The following NADK variants were observed in gnomAD, a reference collection of about 807,000 sequenced individuals.
The protein encoded by NADK is NAD kinase.
A neutral mutation model predicts 49.8 loss-of-function variants in NADK; 22 were observed. That is an observed-to-expected ratio of 0.44 (90% CI 0.32 to 0.63). NADK has a LOEUF of 0.63. Ranked by LOEUF, NADK falls within the 30% of genes least tolerant of loss-of-function variation. The pLI is 0.06. For missense variants in NADK, 438 were observed against 609.4 expected (o/e 0.72, Z 2.96); for synonymous variants, 268 against 253.7 (o/e 1.06, Z -0.54).
chr1:1,769,745 A>G (rs1645992059), intron 1 of NADK, among the ~76,000 whole-genome samples: 1 of 151,938 alleles, frequency 6.6e-6, no homozygotes, highest in East Asian at 1.9e-4. Flanking sequence ...AAGAAAAAAA[A>G]AAAAAGAAAA....
rs1251106836 is a variant in NADK at position 1,773,717 on chromosome 1, T to TGAGA, written c.-41+4571_-41+4572insTCTC. ...GTGTGTGTGTGTGTGTGTGTGTGTGTGTGTGTGTGTGTGAGAGAGAGAGAG... is the reference window on the plus strand; with the variant it reads ...GTGTGTGTGTGTGTGTGTGTGTGTGTGAGAGTGTGTGTGTGTGAGAGAGAGAGAG... On this transcript the variant is annotated intron_variant, in intron 1 of 11. Transcript: ENST00000341426. Among the ~76,000 whole-genome samples the TGAGA allele has an allele frequency of 7.2e-4, 100 of 138,050 alleles. 1 individual carries two copies. The highest frequency in any genetic ancestry group is 2.3e-3 in the African/African-American group (85 of 37,116). 90.6% of individuals were successfully genotyped at this position (138,050 alleles called of 152,430 possible). A position where few individuals can be genotyped will look rare whatever the true frequency, so the allele number is the denominator to read the frequency against.
At chr1:1,760,117 G>A (rs750532826) in intron 3 of NADK, among the ~76,000 whole-genome samples, 2 of 152,176 alleles carry the variant, frequency 1.3e-5, no homozygotes, top group African/African-American at 4.8e-5. Context: ...GAGGGCAGCC[G>A]GGCAATAGTG....
intron 11 of NADK, 108 bp downstream of exon 11, chr1:1,753,459 T>A: frequency 1.2e-6 from 1 of 854,786 alleles, no homozygotes; most frequent in Non-Finnish European, 1.8e-6. Context: ...GGCCCTGTGG[T>A]GCCCTAGGGG....
intron 3 of NADK, 32 bp from the exon 4 acceptor site, chr1:1,757,342 C>T (rs2100297639): frequency 6.4e-7 from 1 of 1,556,136 alleles, no homozygotes; most frequent in East Asian, 2.3e-5. Flanking sequence ...TTCACACCAG[C>T]TGCGATCTCC....
At chr1:1,765,943 A>C (rs1645872194) in intron 1 of NADK, among the ~76,000 whole-genome samples, 1 of 151,868 alleles carries the variant, frequency 6.6e-6, no homozygotes, top group African/African-American at 2.4e-5. Context: ...ATTAACAAAA[A>C]AAATTGTTTC....
chr1:1,777,667 C>T (rs966535825), intron 1 of NADK, among the ~76,000 whole-genome samples: 3 of 151,600 alleles, frequency 2.0e-5, no homozygotes, highest in Non-Finnish European at 2.9e-5. Context: ...TCCACCAGGC[C>T]TTCGGAGCTG....
intron 1 of NADK, among the ~76,000 whole-genome samples, chr1:1,776,422 G>A (rs1221530672): frequency 1.3e-5 from 2 of 151,890 alleles, no homozygotes; most frequent in Admixed American, 1.3e-4. Flanking sequence ...ACAGCAGGCT[G>A]CCAACTGAAA....
At chr1:1,760,693 G>C (rs756190507) in intron 3 of NADK, among the ~76,000 whole-genome samples, 1 of 150,610 alleles carries the variant, frequency 6.6e-6, no homozygotes, top group African/African-American at 2.5e-5. Flanking sequence ...AAGAGAGCCC[G>C]TTCTGCACAG....
rs775876463 is a variant in NADK, at chr1:1,756,251, G to A, written c.585+7C>T. On this transcript the variant is annotated splice_region_variant and intron_variant, in intron 6 of 11. Coordinates refer to ENST00000341426, the MANE Select transcript of NADK (RefSeq NM_023018.5). ...CTGGTGTGGGTCTGGAAATGTCAGC[G>A]CTTCACCTGGAAAAGCGAGGAAGCG... The A allele has an allele frequency of 8.7e-6, 14 of 1,613,160 alleles. No individual in the cohort carries two copies. Among genetic ancestry groups the A allele is most frequent in the Admixed American group, 6.7e-5 (4 of 60,002 alleles).
Position 1,752,841 on chromosome 1 carries a change from G to T in NADK, c.*63C>A. ...AGGCGGTCACAGACACACGCAGATT[G>T]GTCTGTCCCCAGAGGGCGCTTGGAG... On this transcript the variant is annotated 3_prime_UTR_variant, in exon 12 of 12. Coordinates refer to ENST00000341426, the MANE Select transcript of NADK (RefSeq NM_023018.5). 6.4e-7 allele frequency: 1 copy of T among 1,550,596 alleles called. No individual in the cohort carries two copies. Among genetic ancestry groups the T allele is most frequent in the Non-Finnish European group, 8.8e-7 (1 of 1,138,642 alleles).
chr1:1,777,532 T>C (rs1646247547), intron 1 of NADK, among the ~76,000 whole-genome samples: 1 of 152,028 alleles, frequency 6.6e-6, no homozygotes, highest in Non-Finnish European at 1.5e-5. Flanking sequence ...AATGTAAAAC[T>C]TAGTGTGTTC....
intron 3 of NADK, among the ~76,000 whole-genome samples, chr1:1,760,701 C>G (rs986684255): frequency 6.6e-6 from 1 of 150,466 alleles, no homozygotes; most frequent in East Asian, 1.9e-4. Flanking sequence ...CCGTTCTGCA[C>G]AGAGGAAGAG....
chr1:1,756,611 G>A lies in NADK; in HGVS notation c.394-3C>T, dbSNP rs1394020270. ...TCCACATACACGATCATGTTCTCCT[G>A]GAAGCAAAGTGCCAACCTGCTCATT... On this transcript the variant is annotated splice_polypyrimidine_tract_variant and splice_region_variant and intron_variant, in intron 4 of 11. Transcript: ENST00000341426. 1 of 1,613,932 alleles carries A rather than the reference G, an allele frequency of 6.2e-7. No individual in the cohort carries two copies. Among genetic ancestry groups the A allele is most frequent in the Non-Finnish European group, 8.5e-7 (1 of 1,180,042 alleles).
At position 1,768,989 on chromosome 1, in the gene NADK, C is replaced by T. The variant is rs1044440217; in HGVS notation, c.-40-3543G>A. ...GAGCTTCAAACAACACCAATTCCTACGTGCCCTCCAGACTGAATGATCAGA... is the reference window on the plus strand; with the variant it reads ...GAGCTTCAAACAACACCAATTCCTATGTGCCCTCCAGACTGAATGATCAGA... On this transcript the variant is annotated intron_variant, in intron 1 of 11. Coordinates refer to ENST00000341426, the MANE Select transcript of NADK (RefSeq NM_023018.5). Among the ~76,000 whole-genome samples the T allele has an allele frequency of 5.3e-5, 8 of 152,328 alleles. No individual in the cohort carries two copies. In the East Asian group the frequency reaches 7.7e-4, roughly 15 times the overall value.
intron 1 of NADK, among the ~76,000 whole-genome samples, chr1:1,776,444 C>T (rs1646212164): frequency 6.8e-6 from 1 of 146,148 alleles, no homozygotes; most frequent in African/African-American, 2.4e-5. Flanking sequence ...AACATAAACC[C>T]ACCTCCAAGT....
At chr1:1,774,815 A>C (rs2100387235) in intron 1 of NADK, among the ~76,000 whole-genome samples, 1 of 152,322 alleles carries the variant, frequency 6.6e-6, no homozygotes, top group African/African-American at 2.4e-5. Context: ...TAATTTTAAA[A>C]AACCTTTGTA....
At chr1:1,756,651 C>T (rs778224748) in intron 4 of NADK, 43 bp from the exon 5 acceptor site, 5 of 1,612,686 alleles carry the variant, frequency 3.1e-6, no homozygotes, top group African/African-American at 1.3e-5. Context: ...CTGCAGACCC[C>T]ACCCTCCTGC....
At chr1:1,771,104 A>C (rs1227918136) in intron 1 of NADK, among the ~76,000 whole-genome samples, 1 of 147,848 alleles carries the variant, frequency 6.8e-6, no homozygotes, top group African/African-American at 2.5e-5. Flanking sequence ...ATTATTAAAA[A>C]TATATATCTT....
upstream of NADK, chr1:1,779,931 C>G (rs1295749567): frequency 6.6e-6 from 1 of 152,262 alleles, no homozygotes; most frequent in Non-Finnish European, 1.5e-5. Flanking sequence ...ACTCCTGGGA[C>G]TTGAATCCAG....
Sources: allele counts gnomAD v4.1 joint callset (sites outside exome capture counted in the v4.1 genomes callset), GRCh38; gene constraint gnomAD v4.1.1; transcripts MANE v1.5; gene names NCBI Gene and HGNC (gene_info 2026-07-23, HGNC 2026-07-21).